Variants in ANO9 observed in about 807,000 individuals in gnomAD.
The protein encoded by ANO9 is anoctamin 9.
Under a neutral mutation model 100.5 loss-of-function variants are expected in ANO9, and 80 were observed. The observed-to-expected ratio is 0.80, with a 90% CI of 0.66 to 0.96. The LOEUF (loss-of-function observed/expected upper bound fraction) is 0.96, where lower values mean the gene tolerates loss of function less well. Ranked by LOEUF, ANO9 falls within the 40% of genes least tolerant of loss-of-function variation. ANO9 has a pLI of 0.00. For synonymous variants in ANO9, 473 were observed against 435.6 expected (o/e 1.09, Z -1.07); for missense variants, 1,064 against 1,072.7 (o/e 0.99, Z 0.11).
intron 4 of ANO9, 69 bp downstream of exon 4, chr11:433,245 C>T (rs1849162961): frequency 1.3e-6 from 2 of 1,551,200 alleles, no homozygotes; most frequent in East Asian, 2.3e-5. Flanking sequence ...CTGTCTCCTG[C>T]CCGGTCTGGA....
In ANO9 at chr11:432,378, T is replaced by G; in HGVS notation, c.351-324A>C. ...CCACACCTCCCACCTGCGGGCCCCATGTGTCCAGAGCACACCCCAGCCTGC... is the reference window on the plus strand; with the variant it reads ...CCACACCTCCCACCTGCGGGCCCCAGGTGTCCAGAGCACACCCCAGCCTGC... On this transcript the variant is annotated intron_variant, in intron 4 of 22. Transcript: ENST00000332826. The surrounding 1 kb of genome is among the most constrained non-coding windows in gnomAD (Gnocchi z 4.8). 2.3e-6 allele frequency: 1 copy of G among 437,704 alleles called. No homozygotes were observed. Among genetic ancestry groups the G allele is most frequent in the Non-Finnish European group, 4.2e-6 (1 of 235,904 alleles). The allele number at this position is 437,704 out of a possible 1,614,324, so 27.1% of individuals were successfully genotyped here.
intron 3 of ANO9, 108 bp from the exon 4 acceptor site, chr11:433,567 C>T: frequency 3.4e-6 from 5 of 1,465,108 alleles, no homozygotes; most frequent in Non-Finnish European, 3.7e-6. Context: ...CCCTCTATTC[C>T]GCCTCAGAAC....
chr11:441,808 A>C (rs537246286), intron 1 of ANO9, 113 bp downstream of exon 1: 235 of 1,464,542 alleles, frequency 1.6e-4, no homozygotes, highest in African/African-American at 7.8e-4. Context: ...GACCCCCCCC[A>C]CACACACAGG....
In ANO9 at chr11:431,834, A is replaced by G. The variant is rs55914928; in HGVS notation, c.465+14T>C. 0.82 allele frequency: 1,320,792 copies of G among 1,610,578 alleles called. 545,162 individuals carry two copies. The highest frequency in any genetic ancestry group is 1 in the East Asian group (44,756 of 44,802). ...CCCACCCCAGGGCCCTCTCCAGGCC[A>G]GCCCACCCCTCACCTTGTGCAGGGG... is the stretch of plus-strand genomic sequence containing the variant. On this transcript the variant is annotated intron_variant, in intron 6 of 22. Transcript: ENST00000332826.
chr11:419,100 C>A, intron 20 of ANO9, 111 bp from the exon 21 acceptor site: 3 of 1,551,962 alleles, frequency 1.9e-6, no homozygotes, highest in Non-Finnish European at 2.6e-6. Flanking sequence ...GTGGGGGCCA[C>A]GCCACAGACT....
rs369067037 is a variant in ANO9, at chr11:419,684, A to G, written c.1832T>C (p.Ile611Thr). The part of the protein sequence containing the change: ...VLETIGVLAV[I>T]ANGMVIAFTS... ...GAAGGCAATGACCATCCCATTGGCA[A>G]TGACCGCCAGCACACCGATGGTCTC... The change falls in exon 20 of 23, where the codon ATT (isoleucine) becomes ACT (threonine). Residue 611 changes from isoleucine (I) to threonine (T), a missense_variant. Ile to Thr is a moderately conservative substitution (Grantham distance 89). Coordinates refer to ENST00000332826, the MANE Select transcript of ANO9 (RefSeq NM_001012302.3). The G allele has an allele frequency of 1.2e-6, 2 of 1,610,000 alleles. No individual in the cohort carries two copies. The highest frequency in any genetic ancestry group is 1.1e-5 in the South Asian group (1 of 91,072).
Position 428,822 on chromosome 11 carries a change from T to C in ANO9, c.920A>G (p.Glu307Gly). Residue 307 changes from glutamate (E) to glycine (G), a missense_variant, in exon 12 of 23, where the codon GAA (glutamate) becomes GGA (glycine). Glu to Gly is a moderately conservative substitution (Grantham distance 98). Transcript: ENST00000332826. The stretch of plus-strand genomic sequence containing the variant: ...GCAGTTAATGAGCTGAAGTGCCATT[T>C]CCTCCTGGGGAGAGCACCGGGCAAG... ...DLYVWDEEQE[E>G]MALQLINCPD... is the part of the protein sequence containing the mutation. The C allele has an allele frequency of 6.2e-7, 1 of 1,612,920 alleles. No individual in the cohort carries two copies. Among genetic ancestry groups the C allele is most frequent in the Non-Finnish European group, 8.5e-7 (1 of 1,179,874 alleles).
rs1350695662 is a variant in ANO9, at chr11:421,436, C to T, written c.1335-238G>A. 8 of 370,860 alleles carry T rather than the reference C, an allele frequency of 2.2e-5. No individual in the cohort carries two copies. Among genetic ancestry groups the T allele is most frequent in the Admixed American group, 4.8e-5 (1 of 20,636 alleles). 23.0% of individuals were successfully genotyped at this position (370,860 alleles called of 1,614,324 possible). A position where few individuals can be genotyped will look rare whatever the true frequency, so the allele number is the denominator to read the frequency against. On this transcript the variant is annotated intron_variant, in intron 15 of 22. Transcript: ENST00000332826. The surrounding 1 kb of genome is among the most constrained non-coding windows in gnomAD (Gnocchi z 6.8). Reference sequence around the variant, plus strand: ...CAGATGAACCGCACCCACACGTGGGCGCGCGCACACACACACACACCCCCA... The same window carrying T: ...CAGATGAACCGCACCCACACGTGGGTGCGCGCACACACACACACACCCCCA...
chr11:435,926 CTAGTATAGCATAGCA>C (rs1300327100), intron 1 of ANO9, among the ~76,000 whole-genome samples: 1 of 150,336 alleles, frequency 6.7e-6, no homozygotes, highest in Admixed American at 6.7e-5. Context: ...CTAGTCTAGT[CTAGTATAGCATAGCA>C]TAGTATAGCA....
At position 430,169 on chromosome 11, in the gene ANO9, A is replaced by G; in HGVS notation, c.685T>C (p.Cys229Arg). The G allele has an allele frequency of 6.4e-7, 1 of 1,552,072 alleles. No individual in the cohort carries two copies. The highest frequency in any genetic ancestry group is 8.7e-7 in the Non-Finnish European group (1 of 1,148,170). The stretch of plus-strand genomic sequence containing the variant: ...CACATGAGGATGTCGTGGGCCTCAC[A>G]GATCTCCTTGCTGAAGGGGCAGGGA... Reference protein sequence around the residue: ...FEASQISKEICEAHDILMCPL... With the variant: ...FEASQISKEIREAHDILMCPL... Residue 229 changes from cysteine to arginine, a missense_variant, in exon 9 of 23, where the codon TGT (cysteine) becomes CGT (arginine). Cys to Arg is a radical substitution (Grantham distance 180, BLOSUM62 -3). Coordinates refer to ENST00000332826, the MANE Select transcript of ANO9 (RefSeq NM_001012302.3).
At chr11:429,534 G>T in intron 11 of ANO9, 36 bp downstream of exon 11, 1 of 1,609,636 alleles carries the variant, frequency 6.2e-7, no homozygotes. Context: ...GCCCCTGCTC[G>T]GGTCGGCCTC....
Position 420,449 on chromosome 11 carries a change from C to G in ANO9, c.1786+14G>C, listed in dbSNP as rs1394382574. 6.3e-7 allele frequency: 1 copy of G among 1,599,146 alleles called. No individual in the cohort carries two copies. Among genetic ancestry groups the G allele is most frequent in the Non-Finnish European group, 8.5e-7 (1 of 1,178,786 alleles). Reference sequence around the variant, plus strand: ...CGCCCAGTTCCCGCCCATCCTGCGCCCGCCCGGTCTGACCGATGTCCTTGG... The same window carrying G: ...CGCCCAGTTCCCGCCCATCCTGCGCGCGCCCGGTCTGACCGATGTCCTTGG... On this transcript the variant is annotated intron_variant, in intron 19 of 22. Transcript: ENST00000332826.
In ANO9 at chr11:434,152, G is replaced by T. The variant is rs1590505963; in HGVS notation, c.7-54C>A. 3.3e-6 allele frequency: 5 copies of T among 1,535,562 alleles called. No homozygotes were observed. In the East Asian group the frequency reaches 1.2e-4, roughly 38 times the overall value. ...AGGAGGATGTGATTGGGGGCTAGAT[G>T]CCCCTCATTGGCGGGTCCCTGCAGC... On this transcript the variant is annotated intron_variant, in intron 1 of 22. Coordinates refer to ENST00000332826, the MANE Select transcript of ANO9 (RefSeq NM_001012302.3).
chr11:418,399 A>G lies in ANO9; in HGVS notation c.2321T>C (p.Ile774Thr). ...CACGTCTGTGCTCCTGGCACTGAAG[A>G]TGGATGCTGGGGTGGGATGGGCAGG... ...PMPAHPTPASIFSARSTDV is the reference protein window; with the variant it reads ...PMPAHPTPASTFSARSTDV The change falls in exon 23 of 23, where the codon ATC becomes ACC. Residue 774 changes from isoleucine (I) to threonine (T), a missense_variant. By Grantham distance (89) the Ile-to-Thr change is moderately conservative (BLOSUM62 -1). Coordinates refer to ENST00000332826, the MANE Select transcript of ANO9 (RefSeq NM_001012302.3). 1 of 1,611,924 alleles carries G rather than the reference A, an allele frequency of 6.2e-7. No individual in the cohort carries two copies. Among genetic ancestry groups the G allele is most frequent in the Non-Finnish European group, 8.5e-7 (1 of 1,179,546 alleles).
At chr11:420,416 C>A (rs1848100692) in intron 19 of ANO9, 47 bp downstream of exon 19, 2 of 1,588,958 alleles carry the variant, frequency 1.3e-6, no homozygotes, top group Non-Finnish European at 1.7e-6. Flanking sequence ...AGCCCACAGG[C>A]CTGAGGCCGC....
At position 428,207 on chromosome 11, in the gene ANO9, G is replaced by A. The variant is rs1357076679; in HGVS notation, c.1223-8C>T. 1 of 1,611,840 alleles carries A rather than the reference G, an allele frequency of 6.2e-7. No individual in the cohort carries two copies. The highest frequency in any genetic ancestry group is 8.5e-7 in the Non-Finnish European group (1 of 1,179,376). Reference sequence around the variant, plus strand: ...AGAAGGTCCTGGGCATCTCTGGAATGGGACCGGCCCTCACCTCTCTCCCTG... The same window carrying A: ...AGAAGGTCCTGGGCATCTCTGGAATAGGACCGGCCCTCACCTCTCTCCCTG... On this transcript the variant is annotated splice_polypyrimidine_tract_variant and splice_region_variant and intron_variant, in intron 14 of 22. Coordinates refer to ENST00000332826, the MANE Select transcript of ANO9 (RefSeq NM_001012302.3).
In ANO9 at chr11:432,269, C is replaced by A; in HGVS notation, c.351-215G>T. On this transcript the variant is annotated intron_variant, in intron 4 of 22. Transcript: ENST00000332826. The surrounding 1 kb of genome is among the most constrained non-coding windows in gnomAD (Gnocchi z 4.8). ...TCCCAGGGCCTGGCCTGCCCCACGG[C>A]GTCCAGGATGAGGCTGGGCTGGGGG... The A allele has an allele frequency of 1.8e-6, 1 of 569,082 alleles. No homozygotes were observed. Among genetic ancestry groups the A allele is most frequent in the Non-Finnish European group, 3.1e-6 (1 of 319,574 alleles). The allele number at this position is 569,082 out of a possible 1,614,324, so 35.3% of individuals were successfully genotyped here.
At chr11:427,707 GTCTCTC>G (rs758595952) in intron 15 of ANO9, among the ~76,000 whole-genome samples, 7 of 149,128 alleles carry the variant, frequency 4.7e-5, no homozygotes, top group Admixed American at 2.0e-4. Flanking sequence ...CCCTGTCTCT[GTCTCTC>G]TCTCTCTCTC....
At chr11:433,771 C>T (rs1292120828) in intron 3 of ANO9, 44 bp downstream of exon 3, 26 of 1,531,660 alleles carry the variant, frequency 1.7e-5, no homozygotes, top group South Asian at 3.7e-5. Context: ...GCTGGACACC[C>T]GCCCCGGCCC....
Sources: gnomAD v4.1 joint callset for allele counts (sites outside exome capture counted in the v4.1 genomes callset) on GRCh38, gnomAD v4.1.1 for gene constraint, Gnocchi (gnomAD v3.1) non-coding constraint, MANE v1.5 for transcripts, NCBI Gene and HGNC (gene_info 2026-07-23, HGNC 2026-07-21) for gene names.